LRRTM4: variants seen among roughly 807,000 people sequenced by gnomAD.
LRRTM4 encodes leucine rich repeat transmembrane neuronal 4, also known as leucine-rich repeat transmembrane neuronal protein 4.
Under a neutral mutation model 47.6 loss-of-function variants are expected in LRRTM4, and 25 were observed. That is an observed-to-expected ratio of 0.53 (90% CI 0.38 to 0.73). The LOEUF is 0.73. LRRTM4 is among the 30% of genes least tolerant of loss of function. LRRTM4 has a pLI of 0.00. For missense variants in LRRTM4, 638 were observed against 713.4 expected, an observed-to-expected ratio of 0.89 and a Z score of 1.20; for synonymous variants, 311 against 269.5, an observed-to-expected ratio of 1.15 and a Z score of -1.51.
intron 3 of LRRTM4, among the ~76,000 whole-genome samples, chr2:77,033,054 A>G (rs947376230): frequency 3.9e-5 from 6 of 152,096 alleles, no homozygotes; most frequent in African/African-American, 9.6e-5. Flanking sequence ...GACAATCACA[A>G]TCAATGGTAA....
intron 3 of LRRTM4, among the ~76,000 whole-genome samples, chr2:77,047,466 A>G (rs1679272695): frequency 6.6e-6 from 1 of 151,978 alleles, no homozygotes; most frequent in Admixed American, 6.6e-5. Context: ...GAGAGCTGTG[A>G]GGAAGAAGCT....
chr2:76,856,832 T>C (rs2103993175), intron 3 of LRRTM4, among the ~76,000 whole-genome samples: 1 of 152,284 alleles, frequency 6.6e-6, no homozygotes, highest in Non-Finnish European at 1.5e-5. Context: ...AGATTTTGAA[T>C]ATTGGTAATA....
At chr2:77,104,111 T>C (rs1453977407) in intron 3 of LRRTM4, among the ~76,000 whole-genome samples, 2 of 152,186 alleles carry the variant, frequency 1.3e-5, no homozygotes, top group Non-Finnish European at 2.9e-5. Flanking sequence ...TCACACCACC[T>C]TCCTTCAGTT....
intron 3 of LRRTM4, among the ~76,000 whole-genome samples, chr2:77,409,264 T>C (rs1674330168): frequency 6.6e-6 from 1 of 152,194 alleles, no homozygotes; most frequent in African/African-American, 2.4e-5. Context: ...TCTAACAGAA[T>C]ACCTGAGTTT....
intron 3 of LRRTM4, among the ~76,000 whole-genome samples, chr2:77,108,594 T>G (rs968020408): frequency 8.2e-5 from 12 of 147,220 alleles, no homozygotes; most frequent in African/African-American, 3.2e-4. Context: ...TTTTTTTTCT[T>G]TTTTTTTGAG....
At chr2:77,376,304 C>G (rs1040852962) in intron 3 of LRRTM4, among the ~76,000 whole-genome samples, 2 of 151,598 alleles carry the variant, frequency 1.3e-5, no homozygotes, top group Non-Finnish European at 2.9e-5. Context: ...TCTAATTTCC[C>G]CTTTTGATAT....
intron 3 of LRRTM4, among the ~76,000 whole-genome samples, chr2:76,886,163 T>A (rs1016128383): frequency 1.3e-5 from 2 of 152,160 alleles, no homozygotes; most frequent in South Asian, 4.1e-4. Context: ...CTAAAAGCAT[T>A]ACAAAATTTA....
intron 3 of LRRTM4, among the ~76,000 whole-genome samples, chr2:77,046,255 A>G (rs1267846646): frequency 6.6e-6 from 1 of 152,024 alleles, no homozygotes; most frequent in Non-Finnish European, 1.5e-5. Flanking sequence ...ACTTAATTTT[A>G]AAGTGCAGGC....
chr2:76,912,376 G>C (rs187870120), intron 3 of LRRTM4, among the ~76,000 whole-genome samples: 1 of 152,086 alleles, frequency 6.6e-6, no homozygotes, highest in Admixed American at 6.5e-5. Context: ...TCTCACTTCA[G>C]TACTATTTTC....
intron 3 of LRRTM4, among the ~76,000 whole-genome samples, chr2:77,061,779 T>C (rs1439524351): frequency 6.6e-6 from 1 of 152,158 alleles, no homozygotes; most frequent in Admixed American, 6.5e-5. Context: ...ATGTGAACAA[T>C]CATGAGTTAA....
rs576573129 is a variant in LRRTM4, at chr2:76,943,682, T to G, written c.1552-194766A>C. On this transcript the variant is annotated intron_variant, in intron 3 of 3. Coordinates refer to ENST00000409884, the MANE Select transcript of LRRTM4 (RefSeq NM_001134745.3). ...TTTGAATGACATCAGTTATATACCC[T>G]GTAGGAGTCTAAACCTCAGAACAAC... is the stretch of plus-strand genomic sequence containing the variant. Among the ~76,000 whole-genome samples, 9 of 152,322 alleles carry G rather than the reference T, an allele frequency of 5.9e-5. No homozygotes were observed. In the South Asian group the frequency reaches 1.9e-3, roughly 32 times the overall value.
intron 3 of LRRTM4, among the ~76,000 whole-genome samples, chr2:77,086,855 T>A (rs181938742): frequency 1.3e-5 from 2 of 152,156 alleles, no homozygotes; most frequent in Admixed American, 1.3e-4. Flanking sequence ...CACAGTAAAT[T>A]AACAACACAA....
intron 3 of LRRTM4, among the ~76,000 whole-genome samples, chr2:77,133,998 T>G (rs1364208162): frequency 6.6e-6 from 1 of 152,156 alleles, no homozygotes; most frequent in African/African-American, 2.4e-5. Flanking sequence ...CACTCTTCCT[T>G]GGTAACTAAC....
At chr2:76,888,122 ATG>A (rs1673137973) in intron 3 of LRRTM4, among the ~76,000 whole-genome samples, 1 of 150,688 alleles carries the variant, frequency 6.6e-6, no homozygotes, top group Non-Finnish European at 1.5e-5. Flanking sequence ...ATGTATACAT[ATG>A]TGTGTGTATA....
At chr2:77,150,864 C>T (rs1448508387) in intron 3 of LRRTM4, among the ~76,000 whole-genome samples, 2 of 152,088 alleles carry the variant, frequency 1.3e-5, no homozygotes, top group East Asian at 1.9e-4. Flanking sequence ...ATTTTCTTCC[C>T]TTGCCATAGT....
chr2:77,481,102 T>C (rs373156111), intron 3 of LRRTM4, among the ~76,000 whole-genome samples: 4 of 152,166 alleles, frequency 2.6e-5, no homozygotes, highest in African/African-American at 9.7e-5. Context: ...ACCCAGTCCT[T>C]ACCTGGTGGC....
chr2:76,990,944 CCA>C (rs1676984152), intron 3 of LRRTM4, among the ~76,000 whole-genome samples: 1 of 151,558 alleles, frequency 6.6e-6, no homozygotes, highest in South Asian at 2.1e-4. Context: ...ATCATACCAA[CCA>C]CACTCTTGAA....
At chr2:77,345,350 G>C (rs1671524452) in intron 3 of LRRTM4, among the ~76,000 whole-genome samples, 1 of 151,808 alleles carries the variant, frequency 6.6e-6, no homozygotes, top group Admixed American at 6.6e-5. Context: ...AGGAGTAGGA[G>C]AAGGAAAAGG....
chr2:76,863,327 C>T (rs1420507715), intron 3 of LRRTM4, among the ~76,000 whole-genome samples: 1 of 152,156 alleles, frequency 6.6e-6, no homozygotes, highest in Admixed American at 6.6e-5. Flanking sequence ...TATTTCCTCA[C>T]TTTTTAAATT....
Sources: gnomAD v4.1 joint callset for allele counts (sites outside exome capture counted in the v4.1 genomes callset) on GRCh38, gnomAD v4.1.1 for gene constraint, MANE v1.5 for transcripts, NCBI Gene and HGNC (gene_info 2026-07-23, HGNC 2026-07-21) for gene names.